SLFN13: variants seen among roughly 807,000 people sequenced by gnomAD.
The protein encoded by SLFN13 is schlafen family member 13, also known as schlafen-13.
In SLFN13, 43 loss-of-function variants were observed where a neutral mutation model predicts 50.6. The observed-to-expected ratio is 0.85, with a 90% CI of 0.67 to 1.09. The LOEUF (loss-of-function observed/expected upper bound fraction) is 1.09, where lower values mean the gene tolerates loss of function less well. Among genes scored for constraint, SLFN13 ranks in the 50% least tolerant of loss-of-function variants. The pLI is 0.00. For missense variants in SLFN13, 881 were observed against 1,071.1 expected (o/e 0.82, Z 2.48); for synonymous variants, 339 against 386.5 (o/e 0.88, Z 1.44).
At chr17:35,443,440 A>G (rs1913029250) in intron 4 of SLFN13, among the ~76,000 whole-genome samples, 1 of 152,200 alleles carries the variant, frequency 6.6e-6, no homozygotes, top group African/African-American at 2.4e-5. Context: ...TAGTTGTACT[A>G]GATCACTGGT....
At position 35,440,978 on chromosome 17, in the gene SLFN13, G is replaced by T. The variant is rs1567860475; in HGVS notation, c.2311C>A (p.Pro771Thr). 1 of 1,612,850 alleles carries T rather than the reference G, an allele frequency of 6.2e-7. No individual in the cohort carries two copies. Among genetic ancestry groups the T allele is most frequent in the Admixed American group, 1.7e-5 (1 of 60,024 alleles). ...ATCTTTGTGTTGCCTGGAACACCTG[G>T]AACCCATTTAGCTTCACTGAGAATT... ...LAILSEAKWV[P>T]GVPGNTKIIK... Residue 771 changes from proline (P) to threonine (T), a missense_variant, in exon 6 of 6, where the codon CCA becomes ACA. Transcript: ENST00000285013.
rs1477594603 is a variant in SLFN13 at position 35,442,182 on chromosome 17, A to T, written c.1303T>A (p.Ser435Thr). ...ELIHKQMRPF[S>T]QGIVILSRSW... The stretch of plus-strand genomic sequence containing the variant: ...CTAGAGAGGATCACAATTCCCTGGG[A>T]GAAAGGTCGCATTTGCTTGTGTATT... Residue 435 changes from serine to threonine, a missense_variant, in exon 5 of 6, where the codon TCC (serine) becomes ACC (threonine). Around this residue, in one of 5 missense-constraint regions of SLFN13, gnomAD observed 497 missense variants for 518.3 expected, o/e 0.96. Transcript: ENST00000285013. 1 of 1,614,208 alleles carries T rather than the reference A, an allele frequency of 6.2e-7. No homozygotes were observed.
At position 35,439,310 on chromosome 17, in the gene SLFN13, TG is replaced by T. The variant is rs1912734920; in HGVS notation, c.*1284del. The T allele has an allele frequency of 6.6e-6, 1 of 152,002 alleles. No homozygotes were observed. The highest frequency in any genetic ancestry group is 1.5e-5 in the Non-Finnish European group (1 of 68,008). 9.4% of individuals were successfully genotyped at this position (152,002 alleles called of 1,614,324 possible). Reference sequence around the variant, plus strand: ...CAACATGGGAATTTAGGGGTGAGGATGGGACACAAACATTCAGTCCATAACA... The same window carrying T: ...CAACATGGGAATTTAGGGGTGAGGATGGACACAAACATTCAGTCCATAACA... On this transcript the variant is annotated 3_prime_UTR_variant, in exon 6 of 6. Coordinates refer to ENST00000285013, the MANE Select transcript of SLFN13 (RefSeq NM_144682.6).
intron 4 of SLFN13, 117 bp from the exon 5 acceptor site, chr17:35,442,403 A>T: frequency 8.3e-7 from 1 of 1,209,510 alleles, no homozygotes; most frequent in Non-Finnish European, 1.1e-6. Flanking sequence ...ATTTAACAGA[A>T]ATTCCTTCTG....
In SLFN13 at chr17:35,443,492, C is replaced by T. The variant is rs1263226983; in HGVS notation, c.1198+297G>A. Reference sequence around the variant, plus strand: ...GCATCAGAATAATTTGGGAAGCTTGCCCAAATGCATATGGCTAGGCCTTTC... The same window carrying T: ...GCATCAGAATAATTTGGGAAGCTTGTCCAAATGCATATGGCTAGGCCTTTC... On this transcript the variant is annotated intron_variant, in intron 4 of 5. Transcript: ENST00000285013. Among the ~76,000 whole-genome samples the T allele has an allele frequency of 2.0e-5, 3 of 152,238 alleles. No individual in the cohort carries two copies. In the East Asian group the frequency reaches 5.8e-4, roughly 29 times the overall value.
At chr17:35,442,810 T>G (rs1394634983) in intron 4 of SLFN13, among the ~76,000 whole-genome samples, 1 of 152,184 alleles carries the variant, frequency 6.6e-6, no homozygotes, top group Non-Finnish European at 1.5e-5. Context: ...CTTCTATGTA[T>G]CTCATGGACA....
chr17:35,442,544 G>A (rs550481825), intron 4 of SLFN13, among the ~76,000 whole-genome samples: 1 of 152,092 alleles, frequency 6.6e-6, no homozygotes, highest in Non-Finnish European at 1.5e-5. Flanking sequence ...CCCAGGTTCA[G>A]GCCATTCTCC....
At chr17:35,443,341 G>A (rs940620104) in intron 4 of SLFN13, among the ~76,000 whole-genome samples, 4 of 152,136 alleles carry the variant, frequency 2.6e-5, no homozygotes, top group Admixed American at 2.6e-4. Context: ...TATTCTACCA[G>A]GTGAATGTTT....
rs915402369 is a variant in SLFN13 at position 35,436,573 on chromosome 17, G to C, written c.*4022C>G. ...CTGGCAGACGCCACTTTATCCAAATGATCAGAGTTAACATCATCAGGAATG... is the reference window on the plus strand; with the variant it reads ...CTGGCAGACGCCACTTTATCCAAATCATCAGAGTTAACATCATCAGGAATG... On this transcript the variant is annotated 3_prime_UTR_variant, in exon 6 of 6. Transcript: ENST00000285013. 2 of 152,040 alleles carry C rather than the reference G, an allele frequency of 1.3e-5. No individual in the cohort carries two copies. Among genetic ancestry groups the C allele is most frequent in the African/African-American group, 4.8e-5 (2 of 41,408 alleles). 9.4% of individuals were successfully genotyped at this position (152,040 alleles called of 1,614,324 possible).
chr17:35,441,222 C>A lies in SLFN13; in HGVS notation c.2067G>T (p.Gln689His). The part of the protein sequence containing the change: ...DWYRKAKTIT[Q>H]REKDCPGVLW... Reference sequence around the variant, plus strand: ...GAACTCCTGGACAATCCTTTTCTCTCTGAGTGATGGTTTTTGCCTTCCTAT... The same window carrying A: ...GAACTCCTGGACAATCCTTTTCTCTATGAGTGATGGTTTTTGCCTTCCTAT... Residue 689 changes from glutamine (Q) to histidine (H), a missense_variant, in exon 6 of 6, where the codon CAG (glutamine) becomes CAT (histidine). Physicochemically the swap from Gln to His is conservative, Grantham distance 24. This residue lies in a region of SLFN13 where 322 missense variants were observed against 327.4 expected (regional missense o/e 0.98). Transcript: ENST00000285013. 1.2e-6 allele frequency: 2 copies of A among 1,614,102 alleles called. No homozygotes were observed. The highest frequency in any genetic ancestry group is 1.7e-6 in the Non-Finnish European group (2 of 1,180,016).
At chr17:35,443,712 T>C in intron 4 of SLFN13, 77 bp downstream of exon 4, 1 of 1,486,848 alleles carries the variant, frequency 6.7e-7, no homozygotes, top group Admixed American at 1.8e-5. Context: ...CAGGACACAA[T>C]CTTTCATGGA....
In SLFN13 at chr17:35,440,674, G is replaced by A. The variant is rs555505924; in HGVS notation, c.2615C>T (p.Thr872Ile). Reference sequence around the variant, plus strand: ...ATTGGGTAAGATAGCTGGGTCAGCTGTCCTTGGATGGATCCCAAACACTAT... The same window carrying A: ...ATTGGGTAAGATAGCTGGGTCAGCTATCCTTGGATGGATCCCAAACACTAT... ...RSIVFGIHPRTADPAILPNIL... is the reference protein window; with the variant it reads ...RSIVFGIHPRIADPAILPNIL... The change falls in exon 6 of 6, where the codon ACA (threonine) becomes ATA (isoleucine). Residue 872 changes from threonine to isoleucine, a missense_variant. Physicochemically the swap from Thr to Ile is moderately conservative, Grantham distance 89. This residue lies in a region of SLFN13 where 322 missense variants were observed against 327.4 expected (regional missense o/e 0.98). Coordinates refer to ENST00000285013, the MANE Select transcript of SLFN13 (RefSeq NM_144682.6). The A allele has an allele frequency of 6.2e-7, 1 of 1,614,172 alleles. No individual in the cohort carries two copies. The highest frequency in any genetic ancestry group is 2.2e-5 in the East Asian group (1 of 44,888).
rs1913051215 is a variant in SLFN13 at position 35,443,854 on chromosome 17, C to T, written c.1133G>A (p.Cys378Tyr). 1.2e-6 allele frequency: 2 copies of T among 1,613,622 alleles called. No homozygotes were observed. The highest frequency in any genetic ancestry group is 2.7e-5 in the African/African-American group (2 of 74,916). ...ACCTTTCTTAGAATACACTGGTCTG[C>T]AAAGTGAAGGACTGTCAGATAGACT... ...QLSLSDSPSL[C>Y]RPVYSKKGLE... Residue 378 changes from cysteine to tyrosine, a missense_variant, in exon 4 of 6, where the codon TGC (cysteine) becomes TAC (tyrosine). Cys to Tyr is a radical substitution (Grantham distance 194). Coordinates refer to ENST00000285013, the MANE Select transcript of SLFN13 (RefSeq NM_144682.6).
At chr17:35,442,795 T>G (rs954966361) in intron 4 of SLFN13, among the ~76,000 whole-genome samples, 1 of 152,234 alleles carries the variant, frequency 6.6e-6, no homozygotes, top group African/African-American at 2.4e-5. Flanking sequence ...ATGAATGATG[T>G]CACCCTTCTA....
Position 35,440,762 on chromosome 17 carries a change from C to T in SLFN13, c.2527G>A (p.Asp843Asn), listed in dbSNP as rs753656452. Residue 843 changes from aspartate (D) to asparagine (N), a missense_variant, in exon 6 of 6, where the codon GAT becomes AAT. This residue lies in a region of SLFN13 where 322 missense variants were observed against 327.4 expected (regional missense o/e 0.98). Transcript: ENST00000285013. The stretch of plus-strand genomic sequence containing the variant: ...AACACAATGTGCACACCCAACATAT[C>T]ACATGCATCACTGAGCTGCACCACC... ...KMVVQLSDAC[D>N]MLGVHIVLDS... 3 of 1,614,102 alleles carry T rather than the reference C, an allele frequency of 1.9e-6. No individual in the cohort carries two copies. Among genetic ancestry groups the T allele is most frequent in the Non-Finnish European group, 2.5e-6 (3 of 1,180,004 alleles).
At chr17:35,446,031 C>T (rs1913199068) in intron 2 of SLFN13, 1 of 187,296 alleles carries the variant, frequency 5.3e-6, no homozygotes, top group African/African-American at 2.4e-5. Flanking sequence ...CAGGTGAAAT[C>T]ATTAGCATTG....
upstream of SLFN13, among the ~76,000 whole-genome samples, chr17:35,449,328 CCCCTCCTCCGT>C (rs1913388268): frequency 6.6e-6 from 1 of 152,130 alleles, no homozygotes; most frequent in African/African-American, 2.4e-5. Context: ...TCCCCCTCCG[CCCCTCCTCCGT>C]CCCTATCTCT....
In SLFN13 at chr17:35,445,231, T is replaced by A; in HGVS notation, c.450A>T (p.Ala150=). ...TSVLHMNSRQ[A]FDFLKTKERQ... ...TTTCCTTGGTCTTCAGGAAATCGAA[T>A]GCCTGTCTTGAATTCATGTGAAGCA... The change falls in exon 3 of 6, where the codon GCA becomes GCT. Residue 150 remains alanine (A), a synonymous_variant. Coordinates refer to ENST00000285013, the MANE Select transcript of SLFN13 (RefSeq NM_144682.6). 1 of 1,613,994 alleles carries A rather than the reference T, an allele frequency of 6.2e-7. No individual in the cohort carries two copies. The highest frequency in any genetic ancestry group is 8.5e-7 in the Non-Finnish European group (1 of 1,180,008).
Position 35,436,837 on chromosome 17 carries a change from C to T in SLFN13, c.*3758G>A, listed in dbSNP as rs1258342897. On this transcript the variant is annotated 3_prime_UTR_variant, in exon 6 of 6. Transcript: ENST00000285013. ...ACTTAAAAGAAAGGAAAGCTCAATA[C>T]AATGCATGATCTTAGATCAAATCCT... The T allele has an allele frequency of 6.6e-6, 1 of 152,100 alleles. No individual in the cohort carries two copies. Among genetic ancestry groups the T allele is most frequent in the Non-Finnish European group, 1.5e-5 (1 of 68,022 alleles). The allele number at this position is 152,100 out of a possible 1,614,324, so 9.4% of individuals were successfully genotyped here. A position where few individuals can be genotyped will look rare whatever the true frequency, so the allele number is the denominator to read the frequency against.
Sources: gnomAD v4.1 joint callset for allele counts (sites outside exome capture counted in the v4.1 genomes callset) on GRCh38, gnomAD v4.1.1 for gene constraint, gnomAD v4.1.1 regional missense constraint, MANE v1.5 for transcripts, NCBI Gene and HGNC (gene_info 2026-07-23, HGNC 2026-07-21) for gene names.